CDCA8: variants seen among roughly 807,000 people sequenced by gnomAD.
The protein encoded by CDCA8 is borealin.
A neutral mutation model predicts 40.0 loss-of-function variants in CDCA8; 25 were observed. That is an observed-to-expected ratio of 0.63 (90% CI 0.46 to 0.87). The LOEUF is 0.87. Ranked by LOEUF, CDCA8 falls within the 40% of genes least tolerant of loss-of-function variation. The pLI, the probability that CDCA8 is intolerant of heterozygous loss-of-function variation, is 0.00. For missense variants in CDCA8, 280 were observed against 348.4 expected (o/e 0.80, Z 1.56); for synonymous variants, 111 against 126.5 (o/e 0.88, Z 0.82).
chr1:37,707,176 G>A lies in CDCA8; in HGVS notation c.798+112G>A, dbSNP rs539229564. ...GCTAATACTTTCTACTTAAATTTGT[G>A]TTGTCTTCCTTCCCCCAAGAGATTT... On this transcript the variant is annotated intron_variant, in intron 9 of 9. Transcript: ENST00000373055. 3.5e-5 allele frequency: 26 copies of A among 739,318 alleles called. No individual in the cohort carries two copies. In the East Asian group the frequency reaches 5.8e-4, roughly 16 times the overall value. The allele number at this position is 739,318 out of a possible 1,614,324, so 45.8% of individuals were successfully genotyped here.
chr1:37,701,940 A>C, intron 6 of CDCA8, 122 bp downstream of exon 6: 1 of 717,830 alleles, frequency 1.4e-6, no homozygotes, highest in Admixed American at 2.6e-5. Context: ...GCTTAAAATC[A>C]CTGAATCCTT....
intron 9 of CDCA8, among the ~76,000 whole-genome samples, chr1:37,707,334 A>G (rs1645608702): frequency 6.6e-6 from 1 of 152,204 alleles, no homozygotes; most frequent in Non-Finnish European, 1.5e-5. Context: ...AGTTAGTGCT[A>G]GGGGTATGTT....
rs947067954 is a variant in CDCA8, at chr1:37,696,090, G to C, written c.264+140G>C. 9 of 737,200 alleles carry C rather than the reference G, an allele frequency of 1.2e-5. No individual in the cohort carries two copies. The highest frequency in any genetic ancestry group is 1.2e-4 in the South Asian group (7 of 59,394). The allele number at this position is 737,200 out of a possible 1,614,324, so 45.7% of individuals were successfully genotyped here. A position where few individuals can be genotyped will look rare whatever the true frequency, so the allele number is the denominator to read the frequency against. ...TGTGTCAACTGAAAAATTAGAGTTG[G>C]ACCAGACACTGTATACATGAGACCC... On this transcript the variant is annotated intron_variant, in intron 3 of 9. Transcript: ENST00000373055. The surrounding 1 kb of genome is among the most constrained non-coding windows in gnomAD (Gnocchi z 5.0).
chr1:37,692,813 G>C (rs750186595), intron 1 of CDCA8, 29 bp downstream of exon 1: 7 of 1,612,680 alleles, frequency 4.3e-6, no homozygotes, highest in Non-Finnish European at 3.4e-6. Flanking sequence ...GCGGCCTCCT[G>C]GGGCGGTCGC....
intron 7 of CDCA8, 45 bp downstream of exon 7, chr1:37,703,392 T>G: frequency 7.5e-7 from 1 of 1,330,352 alleles, no homozygotes; most frequent in Non-Finnish European, 1.1e-6. Flanking sequence ...ACTCCAACAT[T>G]GAGCACTACC....
In CDCA8 at chr1:37,692,609, C is replaced by T; in HGVS notation, c.-82C>T. 8.8e-7 allele frequency: 1 copy of T among 1,136,886 alleles called. No homozygotes were observed. Among genetic ancestry groups the T allele is most frequent in the Non-Finnish European group, 1.3e-6 (1 of 768,756 alleles). The allele number at this position is 1,136,886 out of a possible 1,614,324, so 70.4% of individuals were successfully genotyped here. A position where few individuals can be genotyped will look rare whatever the true frequency, so the allele number is the denominator to read the frequency against. Reference sequence around the variant, plus strand: ...TGCCTGGCGACTTCTTCGGGTGGTCCCCGTCCGCCCTCCTCGTCCCTACCC... The same window carrying T: ...TGCCTGGCGACTTCTTCGGGTGGTCTCCGTCCGCCCTCCTCGTCCCTACCC... On this transcript the variant is annotated 5_prime_UTR_variant, in exon 1 of 10. Coordinates refer to ENST00000373055, the MANE Select transcript of CDCA8 (RefSeq NM_001256875.2).
At position 37,700,437 on chromosome 1, in the gene CDCA8, A is replaced by T. The variant is rs1177700059; in HGVS notation, c.339A>T (p.Thr113=). Residue 113 remains threonine, a splice_region_variant and synonymous_variant, in exon 5 of 10, where the codon ACA becomes ACT. Coordinates refer to ENST00000373055, the MANE Select transcript of CDCA8 (RefSeq NM_001256875.2). Reference sequence around the variant, plus strand: ...CCCTGTTGAAACTGTTTCTTACAGCACGAAAGGTAATACAGGTAGATGAAA... The same window carrying T: ...CCCTGTTGAAACTGTTTCTTACAGCTCGAAAGGTAATACAGGTAGATGAAA... The part of the protein sequence containing the change: ...AIQTPLKSAK[T]RKVIQVDEMI... 6.3e-7 allele frequency: 1 copy of T among 1,593,946 alleles called. No homozygotes were observed. The highest frequency in any genetic ancestry group is 8.6e-7 in the Non-Finnish European group (1 of 1,162,098).
At position 37,701,780 on chromosome 1, in the gene CDCA8, G is replaced by A. The variant is rs933665476; in HGVS notation, c.450G>A (p.Lys150=). The A allele has an allele frequency of 6.2e-7, 1 of 1,613,224 alleles. No homozygotes were observed. The highest frequency in any genetic ancestry group is 1.7e-5 in the Admixed American group (1 of 59,966). Residue 150 remains lysine (K), a synonymous_variant, in exon 6 of 10, where the codon AAG becomes AAA. Transcript: ENST00000373055. ...TCAAAAGGTGTCCTCCATCCAAGAA[G>A]AGAACTCAGTCCATACAAGGAAAAG... ...ARVKRCPPSK[K]RTQSIQGKGK... is the part of the protein sequence containing the mutation.
intron 8 of CDCA8, 125 bp from the exon 9 acceptor site, chr1:37,706,853 C>T (rs1557519640): frequency 5.8e-6 from 4 of 694,682 alleles, no homozygotes; most frequent in Non-Finnish European, 1.0e-5. Context: ...TAATATCCTT[C>T]CTGCCTGTCT....
chr1:37,693,785 G>A lies in CDCA8; in HGVS notation c.223+752G>A, dbSNP rs559928999. Reference sequence around the variant, plus strand: ...GACATGGTTAGTTAACCAGAGCTCAGATAGAAGAATAACCCGAAGCAGCTC... The same window carrying A: ...GACATGGTTAGTTAACCAGAGCTCAAATAGAAGAATAACCCGAAGCAGCTC... On this transcript the variant is annotated intron_variant, in intron 2 of 9. Coordinates refer to ENST00000373055, the MANE Select transcript of CDCA8 (RefSeq NM_001256875.2). Among the ~76,000 whole-genome samples the A allele has an allele frequency of 7.0e-4, 107 of 152,306 alleles. No homozygotes were observed. The South Asian group carries it at 0.021, about 30-fold the overall frequency.
chr1:37,702,951 C>CAA lies in CDCA8; in HGVS notation c.489-286_489-285dup, dbSNP rs35993657. Among the ~76,000 whole-genome samples the CAA allele has an allele frequency of 8.4e-3, 1,074 of 128,448 alleles. 20 individuals carry two copies. Among genetic ancestry groups the CAA allele is most frequent in the East Asian group, 0.037 (166 of 4,524 alleles). 84.3% of individuals were successfully genotyped at this position (128,448 alleles called of 152,430 possible). On this transcript the variant is annotated intron_variant, in intron 6 of 9. Coordinates refer to ENST00000373055, the MANE Select transcript of CDCA8 (RefSeq NM_001256875.2). ...TGGGCAACAGAGCAAGACTCCGTCT[C>CAA]AAAAAAAAAAAAAAAAGTCAGATTC...
At position 37,692,750 on chromosome 1, in the gene CDCA8, G is replaced by A; in HGVS notation, c.60G>A (p.Lys20=). ...VAKTNSLRRR[K]LASFLKDFDR... ...AGACCAACTCCTTACGGAGGCGGAA[G>A]CTCGCCTCCTTTCTGAAAGACTTCG... Residue 20 remains lysine, a synonymous_variant, in exon 1 of 10, where the codon AAG becomes AAA. Coordinates refer to ENST00000373055, the MANE Select transcript of CDCA8 (RefSeq NM_001256875.2). 6.2e-7 allele frequency: 1 copy of A among 1,613,528 alleles called. No individual in the cohort carries two copies. The highest frequency in any genetic ancestry group is 1.1e-5 in the South Asian group (1 of 91,078).
chr1:37,701,673 T>TAAAAA (rs71701232), intron 5 of CDCA8, 81 bp from the exon 6 acceptor site: 21 of 648,918 alleles, frequency 3.2e-5, no homozygotes, highest in Middle Eastern at 3.2e-4. Context: ...CTTAATGCTT[T>TAAAAA]AAAAAAAAAA....
chr1:37,697,012 C>T (rs1645531003), intron 3 of CDCA8, among the ~76,000 whole-genome samples: 1 of 152,202 alleles, frequency 6.6e-6, no homozygotes, highest in African/African-American at 2.4e-5. Flanking sequence ...CTAGCTAATG[C>T]AGTTCTCTCT....
chr1:37,698,121 G>A (rs1225194177), intron 3 of CDCA8, among the ~76,000 whole-genome samples: 3 of 152,138 alleles, frequency 2.0e-5, no homozygotes, highest in Non-Finnish European at 2.9e-5. Flanking sequence ...TAGATTTATC[G>A]AAAAAATGGT....
At chr1:37,707,117 G>A (rs1569583868) in intron 9 of CDCA8, 53 bp downstream of exon 9, 2 of 1,326,192 alleles carry the variant, frequency 1.5e-6, no homozygotes, top group East Asian at 4.6e-5. Flanking sequence ...GCTTTCTTGG[G>A]CTACCTTTAT....
chr1:37,702,262 C>G (rs1645570305), intron 6 of CDCA8, among the ~76,000 whole-genome samples: 1 of 151,820 alleles, frequency 6.6e-6, no homozygotes, highest in South Asian at 2.1e-4. Context: ...TGGTCTTGAA[C>G]CCCCGACCTC....
chr1:37,697,325 T>C (rs912359095), intron 3 of CDCA8, among the ~76,000 whole-genome samples: 3 of 152,218 alleles, frequency 2.0e-5, no homozygotes, highest in East Asian at 1.9e-4. Flanking sequence ...GAAAATTGCA[T>C]AGGACAAAGT....
In CDCA8 at chr1:37,692,589, G is replaced by A. The variant is rs1645473277; in HGVS notation, c.-102G>A. ...GTCTCGGGACCGCAGGTACGTGCCT[G>A]GCGACTTCTTCGGGTGGTCCCCGTC... On this transcript the variant is annotated 5_prime_UTR_variant, in exon 1 of 10. Transcript: ENST00000373055. 6 of 893,552 alleles carry A rather than the reference G, an allele frequency of 6.7e-6. No individual in the cohort carries two copies. Among genetic ancestry groups the A allele is most frequent in the African/African-American group, 1.7e-5 (1 of 60,382 alleles). 55.4% of individuals were successfully genotyped at this position (893,552 alleles called of 1,614,324 possible).
Sources: allele counts gnomAD v4.1 joint callset (sites outside exome capture counted in the v4.1 genomes callset), GRCh38; gene constraint gnomAD v4.1.1; non-coding constraint Gnocchi (gnomAD v3.1); transcripts MANE v1.5; gene names NCBI Gene and HGNC (gene_info 2026-07-23, HGNC 2026-07-21).